FGF12: variants seen among roughly 807,000 people sequenced by gnomAD.
FGF12 encodes the protein fibroblast growth factor 12.
Under a neutral mutation model 23.6 loss-of-function variants are expected in FGF12, and 14 were observed. The ratio of observed to expected loss-of-function variants is 0.59; its 90% CI spans 0.39 to 0.93. The LOEUF (loss-of-function observed/expected upper bound fraction) is 0.93. FGF12 is among the 40% of genes least tolerant of loss of function. The pLI, the probability that FGF12 is intolerant of heterozygous loss-of-function variation, is 0.00. For missense variants in FGF12, 175 were observed against 217.8 expected, an observed-to-expected ratio of 0.80 and a Z score of 1.24; for synonymous variants, 62 against 77.3, an observed-to-expected ratio of 0.80 and a Z score of 1.04.
At chr3:192,419,993 T>C (rs2108783494) in intron 2 of FGF12, among the ~76,000 whole-genome samples, 1 of 152,262 alleles carries the variant, frequency 6.6e-6, no homozygotes, top group East Asian at 1.9e-4. Flanking sequence ...TATTAACCTA[T>C]TAAGTTGTAT....
At chr3:192,579,169 T>C (rs1162702990) in intron 2 of FGF12, among the ~76,000 whole-genome samples, 2 of 152,210 alleles carry the variant, frequency 1.3e-5, no homozygotes, top group Admixed American at 1.3e-4. Flanking sequence ...ATCTATGATG[T>C]GTCTTCATTT....
intron 2 of FGF12, among the ~76,000 whole-genome samples, chr3:192,718,054 G>A (rs1718915724): frequency 6.7e-6 from 1 of 150,110 alleles, no homozygotes; most frequent in Non-Finnish European, 1.5e-5. Context: ...TTGTTTTTTA[G>A]TAATATATTA....
chr3:192,625,447 A>C (rs1715132402), intron 2 of FGF12, among the ~76,000 whole-genome samples: 1 of 152,110 alleles, frequency 6.6e-6, no homozygotes, highest in African/African-American at 2.4e-5. Context: ...CCATATGTTT[A>C]ATAGCCACTT....
chr3:192,643,644 A>G (rs1426580320), intron 2 of FGF12, among the ~76,000 whole-genome samples: 1 of 152,190 alleles, frequency 6.6e-6, no homozygotes, highest in Non-Finnish European at 1.5e-5. Context: ...GCTTCCTTGA[A>G]TTCTTAATGA....
At chr3:192,446,966 T>C (rs1049197485) in intron 2 of FGF12, among the ~76,000 whole-genome samples, 1 of 152,232 alleles carries the variant, frequency 6.6e-6, no homozygotes, top group Non-Finnish European at 1.5e-5. Flanking sequence ...TTTTTAGTCT[T>C]TGCTTAAACA....
At chr3:192,379,680 A>T (rs1719735605) in intron 2 of FGF12, among the ~76,000 whole-genome samples, 1 of 152,244 alleles carries the variant, frequency 6.6e-6, no homozygotes, top group Non-Finnish European at 1.5e-5. Flanking sequence ...ATTAAGTTTA[A>T]CATACCTAAA....
At chr3:192,418,614 C>T (rs1001299150) in intron 2 of FGF12, among the ~76,000 whole-genome samples, 28 of 152,074 alleles carry the variant, frequency 1.8e-4, no homozygotes, top group African/African-American at 6.3e-4. Context: ...TTTGAGGAGG[C>T]GCCAGGTTGG....
rs138527842 is a variant in FGF12, at chr3:192,668,281, C to G, written c.13+58900G>C. 2.0e-3 allele frequency among the ~76,000 whole-genome samples: 304 copies of G among 152,264 alleles called. 1 individual carries two copies. Among genetic ancestry groups the G allele is most frequent in the African/African-American group, 7.0e-3 (290 of 41,562 alleles). ...TGAAAAAATTTCTTCATCGTGGAAC[C>G]AGAGCGGCAACCCACAGCTATAAGC... is the stretch of plus-strand genomic sequence containing the variant. On this transcript the variant is annotated intron_variant, in intron 2 of 5. Coordinates refer to ENST00000445105, the MANE Select transcript of FGF12 (RefSeq NM_004113.6).
intron 4 of FGF12, among the ~76,000 whole-genome samples, chr3:192,305,566 G>A (rs542352806): frequency 1.3e-5 from 2 of 148,756 alleles, no homozygotes; most frequent in Admixed American, 1.4e-4. Flanking sequence ...GGCTTCCAGT[G>A]AAACACAAAT....
intron 2 of FGF12, among the ~76,000 whole-genome samples, chr3:192,710,914 T>G (rs1167912690): frequency 1.3e-5 from 2 of 151,534 alleles, no homozygotes; most frequent in Non-Finnish European, 2.9e-5. Context: ...AATGGAAGAG[T>G]CTTCTTTGAG....
At chr3:192,381,845 A>C (rs947702458) in intron 2 of FGF12, among the ~76,000 whole-genome samples, 1 of 152,236 alleles carries the variant, frequency 6.6e-6, no homozygotes, top group Non-Finnish European at 1.5e-5. Context: ...GAGTCTGGAC[A>C]GTGGCCCAAA....
chr3:192,181,995 C>T (rs12486874), intron 4 of FGF12, among the ~76,000 whole-genome samples: 11,700 of 151,710 alleles, frequency 0.077, 577 homozygotes, highest in South Asian at 0.23. Flanking sequence ...AATGAATAAA[C>T]AATAAACAGC....
intron 2 of FGF12, among the ~76,000 whole-genome samples, chr3:192,525,296 A>G (rs1724915027): frequency 6.6e-6 from 1 of 152,188 alleles, no homozygotes; most frequent in Admixed American, 6.5e-5. Context: ...TCAAAAAAAT[A>G]ATAATAATAA....
chr3:192,223,663 T>C (rs1385170487), intron 4 of FGF12, among the ~76,000 whole-genome samples: 4 of 152,140 alleles, frequency 2.6e-5, no homozygotes, highest in Non-Finnish European at 4.4e-5. Context: ...TGATAAATTA[T>C]GTTTGCCGTA....
intron 3 of FGF12, among the ~76,000 whole-genome samples, chr3:192,352,821 G>T (rs956143366): frequency 6.6e-6 from 1 of 152,138 alleles, no homozygotes; most frequent in Admixed American, 6.5e-5. Context: ...CAAGGGCAAA[G>T]AATCTCAAGT....
intron 4 of FGF12, among the ~76,000 whole-genome samples, chr3:192,279,766 G>T (rs1714034761): frequency 6.6e-6 from 1 of 152,278 alleles, no homozygotes; most frequent in South Asian, 2.1e-4. Flanking sequence ...TTGCTGTGTG[G>T]CATGGGGTAA....
chr3:192,506,038 T>C (rs1433650604), intron 2 of FGF12, among the ~76,000 whole-genome samples: 3 of 152,214 alleles, frequency 2.0e-5, no homozygotes, highest in Non-Finnish European at 4.4e-5. Flanking sequence ...GGAGGCTTAA[T>C]ATTAAGTGTA....
chr3:192,345,403 A>G (rs1577373837), intron 3 of FGF12, among the ~76,000 whole-genome samples: 1 of 109,242 alleles, frequency 9.2e-6, no homozygotes, highest in Non-Finnish European at 1.7e-5. Context: ...AAGATATAAC[A>G]TAGGCCGGGC....
intron 5 of FGF12, among the ~76,000 whole-genome samples, chr3:192,163,091 TAGA>T (rs1714968671): frequency 6.6e-6 from 1 of 152,126 alleles, no homozygotes; most frequent in East Asian, 1.9e-4. Context: ...ATGACTGAGG[TAGA>T]AGGAGATAAA....
Sources: gnomAD v4.1 joint callset for allele counts (sites outside exome capture counted in the v4.1 genomes callset) on GRCh38, gnomAD v4.1.1 for gene constraint, MANE v1.5 for transcripts, NCBI Gene and HGNC (gene_info 2026-07-23, HGNC 2026-07-21) for gene names.